Variants in TENM3 observed in about 807,000 individuals in gnomAD.
The protein encoded by TENM3 is teneurin transmembrane protein 3.
In TENM3, 63 loss-of-function variants were observed where a neutral mutation model predicts 255.1. That is an observed-to-expected ratio of 0.25 (90% CI 0.20 to 0.30). The LOEUF (loss-of-function observed/expected upper bound fraction) is 0.30. Ranked by LOEUF, TENM3 falls within the 10% of genes least tolerant of loss-of-function variation. The pLI is 1.00. For synonymous variants in TENM3, 1,306 were observed against 1,322.3 expected (o/e 0.99, Z 0.27); for missense variants, 2,929 against 3,461.1 (o/e 0.85, Z 3.86).
At chr4:181,954,588 C>T in the TENM3 span, among the ~76,000 whole-genome samples, 2 of 152,178 alleles carry the variant, frequency 1.3e-5, no homozygotes, top group East Asian at 1.9e-4. Context: ...TCCATTCACA[C>T]TTTTTGTCTT....
chr4:182,777,836 C>CATATAT (rs199749023), intron 24 of TENM3, among the ~76,000 whole-genome samples: 1 of 139,712 alleles, frequency 7.2e-6, no homozygotes, highest in African/African-American at 2.9e-5. Flanking sequence ...AGGAATACAG[C>CATATAT]ATATATATAT....
the TENM3 span, among the ~76,000 whole-genome samples, chr4:182,101,883 C>G: frequency 6.6e-6 from 1 of 151,964 alleles, no homozygotes; most frequent in African/African-American, 2.4e-5. Flanking sequence ...CACATTGTGC[C>G]CCATATATAT....
At chr4:181,654,592 A>G in the TENM3 span, among the ~76,000 whole-genome samples, 2 of 152,012 alleles carry the variant, frequency 1.3e-5, no homozygotes, top group African/African-American at 4.8e-5. Context: ...CGTCTCTACC[A>G]AAAATACAAA....
At chr4:181,834,350 T>C in the TENM3 span, among the ~76,000 whole-genome samples, 1 of 152,208 alleles carries the variant, frequency 6.6e-6, no homozygotes, top group Admixed American at 6.5e-5. Context: ...AGTCTTATGC[T>C]GCTATTTCAA....
chr4:181,877,756 A>G, the TENM3 span, among the ~76,000 whole-genome samples: 3 of 152,180 alleles, frequency 2.0e-5, no homozygotes, highest in Non-Finnish European at 4.4e-5. Flanking sequence ...GAAGGGTGCC[A>G]GCCCTTCCTT....
intron 3 of TENM3, among the ~76,000 whole-genome samples, chr4:182,389,483 T>A (rs1768252849): frequency 6.6e-6 from 1 of 151,542 alleles, no homozygotes; most frequent in Middle Eastern, 3.4e-3. Flanking sequence ...GAAAAAAAAA[T>A]TACATATAAT....
chr4:181,566,399 A>T, the TENM3 span, among the ~76,000 whole-genome samples: 1 of 152,152 alleles, frequency 6.6e-6, no homozygotes, highest in African/African-American at 2.4e-5. Context: ...GTTTGGAAAA[A>T]TAAAAATCTT....
At position 182,389,908 on chromosome 4, in the gene TENM3, G is replaced by A. The variant is rs538048432; in HGVS notation, c.511+42979G>A. ...CACCATGTTGGCCAGGATGGTCTCC[G>A]TCTCCTGACCTCGTGATCCGCCCGC... On this transcript the variant is annotated intron_variant, in intron 3 of 27. Coordinates refer to ENST00000511685, the MANE Select transcript of TENM3 (RefSeq NM_001080477.4). Among the ~76,000 whole-genome samples the A allele has an allele frequency of 1.5e-3, 227 of 151,872 alleles. 3 individuals carry two copies. Among genetic ancestry groups the A allele is most frequent in the Non-Finnish European group, 1.3e-3 (90 of 67,890 alleles).
chr4:182,225,521 GT>G (rs923505912), intron 1 of TENM3, among the ~76,000 whole-genome samples: 2 of 152,174 alleles, frequency 1.3e-5, no homozygotes, highest in African/African-American at 4.8e-5. Context: ...GGAAACTGGG[GT>G]TGTGGCATGT....
chr4:182,599,828 T>C (rs1008683747), intron 3 of TENM3, among the ~76,000 whole-genome samples: 8 of 152,222 alleles, frequency 5.3e-5, no homozygotes, highest in Non-Finnish European at 1.0e-4. Flanking sequence ...TACTGCATTT[T>C]GAACTGCATT....
At chr4:182,320,409 C>T (rs1762983072) in intron 1 of TENM3, among the ~76,000 whole-genome samples, 1 of 152,204 alleles carries the variant, frequency 6.6e-6, no homozygotes, top group African/African-American at 2.4e-5. Context: ...TGCTGGTGGC[C>T]ATTCGTGCTC....
chr4:181,690,769 T>A, the TENM3 span, among the ~76,000 whole-genome samples: 1 of 152,126 alleles, frequency 6.6e-6, no homozygotes, highest in African/African-American at 2.4e-5. Flanking sequence ...ATATAAAAAA[T>A]AGCCCTTTGT....
At chr4:182,291,611 T>C (rs929702919) in intron 1 of TENM3, among the ~76,000 whole-genome samples, 2 of 152,076 alleles carry the variant, frequency 1.3e-5, no homozygotes, top group Non-Finnish European at 2.9e-5. Flanking sequence ...GGAAGCAGCC[T>C]CAGAGACGTT....
At chr4:182,066,009 T>C in the TENM3 span, among the ~76,000 whole-genome samples, 1 of 152,196 alleles carries the variant, frequency 6.6e-6, no homozygotes, top group African/African-American at 2.4e-5. Context: ...TTCGGGGATA[T>C]ACACCTAGGA....
the TENM3 span, among the ~76,000 whole-genome samples, chr4:181,582,423 G>A: frequency 1.3e-5 from 2 of 152,138 alleles, no homozygotes; most frequent in African/African-American, 2.4e-5. Flanking sequence ...CAGAGGCCCA[G>A]GCAGGTGCAG....
chr4:181,613,663 C>G, the TENM3 span, among the ~76,000 whole-genome samples: 4 of 152,150 alleles, frequency 2.6e-5, no homozygotes, highest in Admixed American at 2.6e-4. Flanking sequence ...CACGTCCTTC[C>G]CCAGGTTGTT....
At chr4:181,996,143 C>A in the TENM3 span, among the ~76,000 whole-genome samples, 2 of 144,564 alleles carry the variant, frequency 1.4e-5, no homozygotes, top group African/African-American at 2.6e-5. Flanking sequence ...ACTAGAGAAA[C>A]CAGGGTCGCT....
the TENM3 span, among the ~76,000 whole-genome samples, chr4:181,631,507 G>C: frequency 1.3e-5 from 2 of 151,986 alleles, no homozygotes; most frequent in Non-Finnish European, 2.9e-5. Flanking sequence ...GGCCAGGCTG[G>C]TCTTGAACTC....
chr4:181,731,878 A>C, the TENM3 span, among the ~76,000 whole-genome samples: 2 of 152,186 alleles, frequency 1.3e-5, 1 homozygote, highest in Admixed American at 1.3e-4. Flanking sequence ...TACATGGAAA[A>C]TGATTGTCCT....
Sources: gnomAD v4.1 joint callset for allele counts (sites outside exome capture counted in the v4.1 genomes callset) on GRCh38, gnomAD v4.1.1 for gene constraint, MANE v1.5 for transcripts, NCBI Gene and HGNC (gene_info 2026-07-23, HGNC 2026-07-21) for gene names.